Variants in RBFOX3 observed in about 807,000 individuals in gnomAD.
RBFOX3 encodes RNA binding fox-1 homolog 3.
In RBFOX3, 17 loss-of-function variants were observed where a neutral mutation model predicts 48.7. The ratio of observed to expected loss-of-function variants is 0.35; its 90% CI spans 0.24 to 0.52. The LOEUF (loss-of-function observed/expected upper bound fraction) is 0.52, where lower values mean the gene tolerates loss of function less well. Among genes scored for constraint, RBFOX3 ranks in the 20% least tolerant of loss-of-function variants. The pLI, the probability that RBFOX3 is intolerant of heterozygous loss-of-function variation, is 0.94. For missense variants in RBFOX3, 382 were observed against 497.5 expected (o/e 0.77, Z 2.21); for synonymous variants, 212 against 209.5 (o/e 1.01, Z -0.10).
the RBFOX3 span, among the ~76,000 whole-genome samples, chr17:79,616,608 C>CAT: frequency 6.6e-6 from 1 of 150,774 alleles, no homozygotes; most frequent in Non-Finnish European, 1.5e-5. Context: ...CACACACACA[C>CAT]GTGTTACTAC....
rs1212816268 is a variant in RBFOX3 at position 79,363,562 on chromosome 17, T to C, written c.-174-55738A>G. Among the ~76,000 whole-genome samples the C allele has an allele frequency of 1.3e-5, 2 of 151,996 alleles. No homozygotes were observed. Among genetic ancestry groups the C allele is most frequent in the Non-Finnish European group, 2.9e-5 (2 of 67,970 alleles). On this transcript the variant is annotated intron_variant, in intron 2 of 14. Transcript: ENST00000693108. The surrounding 1 kb of genome is among the most constrained non-coding windows in gnomAD (Gnocchi z 4.7). ...ACACAAGGCTCAATTCCCCTTCCTG[T>C]TCCTGCCCAGCTTCCCTGGGGGGTC...
chr17:79,104,269 C>T, intron 6 of RBFOX3, 143 bp from the exon 7 acceptor site: 2 of 737,126 alleles, frequency 2.7e-6, no homozygotes, highest in Non-Finnish European at 2.3e-6. Flanking sequence ...AGACCGGGGA[C>T]CCCCTCCCAC....
chr17:79,530,908 C>T (rs930111581), intron 1 of RBFOX3, among the ~76,000 whole-genome samples: 47 of 152,312 alleles, frequency 3.1e-4, no homozygotes, highest in African/African-American at 9.6e-4. Flanking sequence ...CCAGGCCTGG[C>T]GGGTTAGACG....
chr17:79,376,269 C>A (rs779278604), intron 2 of RBFOX3, among the ~76,000 whole-genome samples: 73 of 152,170 alleles, frequency 4.8e-4, no homozygotes, highest in Non-Finnish European at 2.5e-4. Context: ...AAATGATTTC[C>A]TCCCATTTTT....
chr17:79,390,810 C>T lies in RBFOX3; in HGVS notation c.-174-82986G>A, dbSNP rs1053954120. ...TCCTGGCAGTGGGAAACTGGAGGAG[C>T]GCATGGAGCATCTGAGAGTTGAGGC... is the stretch of plus-strand genomic sequence containing the variant. On this transcript the variant is annotated intron_variant, in intron 2 of 14. Coordinates refer to ENST00000693108, the MANE Select transcript of RBFOX3 (RefSeq NM_001350451.2). The surrounding 1 kb of genome is among the most constrained non-coding windows in gnomAD (Gnocchi z 4.2). Among the ~76,000 whole-genome samples the T allele has an allele frequency of 6.6e-5, 10 of 152,148 alleles. No homozygotes were observed. The highest frequency in any genetic ancestry group is 1.2e-4 in the African/African-American group (5 of 41,438).
At chr17:79,641,154 A>G in the RBFOX3 span, among the ~76,000 whole-genome samples, 15 of 152,266 alleles carry the variant, frequency 9.9e-5, no homozygotes, top group Non-Finnish European at 1.5e-5. Flanking sequence ...TACTTGAATG[A>G]CATTTCTCAA....
In RBFOX3 at chr17:79,377,196, C is replaced by A. The variant is rs531176824; in HGVS notation, c.-174-69372G>T. On this transcript the variant is annotated intron_variant, in intron 2 of 14. Transcript: ENST00000693108. ...CATATTTGTCTAGACACACAGAGCACACGTGTACACAAAGATACACACACA... is the reference window on the plus strand; with the variant it reads ...CATATTTGTCTAGACACACAGAGCAAACGTGTACACAAAGATACACACACA... Among the ~76,000 whole-genome samples the A allele has an allele frequency of 9.9e-5, 15 of 151,992 alleles. No homozygotes were observed. In the South Asian group the frequency reaches 3.1e-3, roughly 31 times the overall value.
rs1342477409 is a variant in RBFOX3 at position 79,371,101 on chromosome 17, C to T, written c.-174-63277G>A. Reference sequence around the variant, plus strand: ...GCCAGCACGGTGTCCCTCCTCCTGTCTGGGTGTCCCTGGGCCACCTGCTCT... The same window carrying T: ...GCCAGCACGGTGTCCCTCCTCCTGTTTGGGTGTCCCTGGGCCACCTGCTCT... On this transcript the variant is annotated intron_variant, in intron 2 of 14. Transcript: ENST00000693108. 2.0e-5 allele frequency among the ~76,000 whole-genome samples: 3 copies of T among 152,238 alleles called. No individual in the cohort carries two copies. In the East Asian group the frequency reaches 5.8e-4, roughly 29 times the overall value.
At chr17:79,553,987 G>C (rs1229846295) in intron 1 of RBFOX3, among the ~76,000 whole-genome samples, 1 of 152,158 alleles carries the variant, frequency 6.6e-6, no homozygotes, top group Non-Finnish European at 1.5e-5. Flanking sequence ...ACCCGCCTCG[G>C]CCTCCCAAAA....
At chr17:79,500,206 C>T (rs1037371136) in intron 1 of RBFOX3, among the ~76,000 whole-genome samples, 2 of 151,906 alleles carry the variant, frequency 1.3e-5, no homozygotes, top group South Asian at 4.2e-4. Flanking sequence ...CCAGGGTCAG[C>T]CAACTCCCAA....
chr17:79,665,068 G>A, the RBFOX3 span, among the ~76,000 whole-genome samples: 1 of 152,032 alleles, frequency 6.6e-6, no homozygotes. Context: ...TCCTTGATCC[G>A]GCATTCAGAT....
rs1237733875 is a variant in RBFOX3, at chr17:79,104,124, T to C, written c.363A>G (p.Gln121=). ...RDPDLRQMFG[Q]FGKILDVEII... ...TCTCCACGTCTAAAATTTTTCCGAATTGCTGCAGAGACAGAGACAAAGAGG... is the reference window on the plus strand; with the variant it reads ...TCTCCACGTCTAAAATTTTTCCGAACTGCTGCAGAGACAGAGACAAAGAGG... The change falls in exon 7 of 15, where the codon CAA becomes CAG. Residue 121 remains glutamine, a splice_region_variant and synonymous_variant. Coordinates refer to ENST00000693108, the MANE Select transcript of RBFOX3 (RefSeq NM_001350451.2). 6.4e-7 allele frequency: 1 copy of C among 1,551,172 alleles called. No homozygotes were observed. The highest frequency in any genetic ancestry group is 8.7e-7 in the Non-Finnish European group (1 of 1,146,756).
intron 3 of RBFOX3, among the ~76,000 whole-genome samples, chr17:79,290,565 G>A (rs1203081984): frequency 1.3e-5 from 2 of 152,148 alleles, no homozygotes; most frequent in Non-Finnish European, 2.9e-5. Context: ...GTATAGCCAA[G>A]GGAAGGGCTC....
At chr17:79,396,534 T>A (rs1190069543) in intron 2 of RBFOX3, among the ~76,000 whole-genome samples, 1 of 152,054 alleles carries the variant, frequency 6.6e-6, no homozygotes, top group Non-Finnish European at 1.5e-5. Flanking sequence ...TAATGCAAAT[T>A]TTATTCTGAC....
At chr17:79,365,227 T>C (rs1482710426) in intron 2 of RBFOX3, among the ~76,000 whole-genome samples, 1 of 152,306 alleles carries the variant, frequency 6.6e-6, no homozygotes, top group African/African-American at 2.4e-5. Context: ...AAAATCACTT[T>C]GGCTTGTTCC....
chr17:79,115,881 G>A (rs2033797385), intron 4 of RBFOX3, 133 bp from the exon 5 acceptor site: 3 of 533,662 alleles, frequency 5.6e-6, no homozygotes, highest in Non-Finnish European at 9.9e-6. Flanking sequence ...CCCTCCAAGG[G>A]GGGCTCGCCG....
the RBFOX3 span, among the ~76,000 whole-genome samples, chr17:79,628,901 C>T: frequency 6.6e-6 from 1 of 152,218 alleles, no homozygotes; most frequent in South Asian, 2.1e-4. Context: ...TGACCACTGC[C>T]CCAAGCAACA....
At chr17:79,127,598 G>A (rs1486727751) in intron 4 of RBFOX3, among the ~76,000 whole-genome samples, 1 of 152,198 alleles carries the variant, frequency 6.6e-6, no homozygotes, top group African/African-American at 2.4e-5. Context: ...ACATGATGAT[G>A]TCAAGGGAAG....
intron 4 of RBFOX3, among the ~76,000 whole-genome samples, chr17:79,197,003 G>A (rs1267129413): frequency 6.6e-6 from 1 of 152,192 alleles, no homozygotes; most frequent in South Asian, 2.1e-4. Context: ...ACTGACGCCT[G>A]CTAACAGGGA....
Sources: allele counts gnomAD v4.1 joint callset (sites outside exome capture counted in the v4.1 genomes callset), GRCh38; gene constraint gnomAD v4.1.1; non-coding constraint Gnocchi (gnomAD v3.1); transcripts MANE v1.5; gene names NCBI Gene and HGNC (gene_info 2026-07-23, HGNC 2026-07-21).